Variants in CPNE8 observed in about 807,000 individuals in gnomAD.
CPNE8 encodes copine 8.
CPNE8 carries 45 observed loss-of-function variants against 81.5 expected under a neutral mutation model. That is an observed-to-expected ratio of 0.55 (90% confidence interval 0.44 to 0.71). The LOEUF (loss-of-function observed/expected upper bound fraction) is 0.71. Ranked by LOEUF, CPNE8 falls within the 30% of genes least tolerant of loss-of-function variation. CPNE8 has a pLI of 0.00. For synonymous variants in CPNE8, 252 were observed against 226.3 expected (o/e 1.11, Z -1.02); for missense variants, 594 against 672.1 (o/e 0.88, Z 1.28).
intron 14 of CPNE8, among the ~76,000 whole-genome samples, chr12:38,698,826 G>A (rs760407104): frequency 3.3e-5 from 5 of 152,182 alleles, no homozygotes; most frequent in Non-Finnish European, 5.9e-5. Flanking sequence ...AGTGAGAAAT[G>A]TTGACTCTTC....
At chr12:38,791,651 T>G (rs1942326763) in intron 6 of CPNE8, among the ~76,000 whole-genome samples, 1 of 151,530 alleles carries the variant, frequency 6.6e-6, no homozygotes, top group African/African-American at 2.4e-5. Context: ...ATATGAGACT[T>G]CAATACCACA....
At chr12:38,775,085 T>C (rs989665481) in intron 7 of CPNE8, among the ~76,000 whole-genome samples, 1 of 152,154 alleles carries the variant, frequency 6.6e-6, no homozygotes, top group Non-Finnish European at 1.5e-5. Context: ...CAACTATCTA[T>C]CTATCTATCT....
chr12:38,876,681 A>G (rs1490181068), intron 1 of CPNE8, among the ~76,000 whole-genome samples: 1 of 152,258 alleles, frequency 6.6e-6, no homozygotes. Flanking sequence ...TGAAATTTGC[A>G]ATTTAACTTT....
At chr12:38,845,587 C>G (rs1412144570) in intron 4 of CPNE8, among the ~76,000 whole-genome samples, 1 of 149,508 alleles carries the variant, frequency 6.7e-6, no homozygotes, top group African/African-American at 2.5e-5. Flanking sequence ...ATTTTAAAAA[C>G]CAATATCACA....
At chr12:38,746,371 T>C (rs1941227968) in intron 10 of CPNE8, among the ~76,000 whole-genome samples, 1 of 152,236 alleles carries the variant, frequency 6.6e-6, no homozygotes, top group Non-Finnish European at 1.5e-5. Flanking sequence ...GAAAACTTTG[T>C]ATATTTCTCA....
At chr12:38,729,804 T>C (rs1163758328) in intron 11 of CPNE8, among the ~76,000 whole-genome samples, 2 of 152,038 alleles carry the variant, frequency 1.3e-5, no homozygotes, top group Admixed American at 1.3e-4. Context: ...ATAACTACAA[T>C]GTGTCTGCTT....
chr12:38,882,213 G>C (rs1944170159), intron 1 of CPNE8, among the ~76,000 whole-genome samples: 1 of 152,202 alleles, frequency 6.6e-6, no homozygotes, highest in East Asian at 1.9e-4. Flanking sequence ...TCATATATAA[G>C]AGGAAGGCAG....
At chr12:38,874,825 CCATTTAATCCTT>C (rs1032110840) in intron 1 of CPNE8, among the ~76,000 whole-genome samples, 15 of 152,112 alleles carry the variant, frequency 9.9e-5, no homozygotes, top group Non-Finnish European at 2.1e-4. Flanking sequence ...TTTTAGGTTT[CCATTTAATCCTT>C]CATTAAGAAT....
chr12:38,878,979 C>A (rs1944107728), intron 1 of CPNE8, among the ~76,000 whole-genome samples: 1 of 152,124 alleles, frequency 6.6e-6, no homozygotes, highest in South Asian at 2.1e-4. Context: ...ATTGATTCAG[C>A]TACGACAACA....
Position 38,702,898 on chromosome 12 carries a change from G to C in CPNE8, c.938C>G (p.Ala313Gly). The C allele has an allele frequency of 6.4e-7, 1 of 1,573,390 alleles. No individual in the cohort carries two copies. The highest frequency in any genetic ancestry group is 8.6e-7 in the Non-Finnish European group (1 of 1,157,504). Residue 313 changes from alanine to glycine, a missense_variant, in exon 14 of 20, where the codon GCT becomes GGT. Physicochemically the swap from Ala to Gly is moderately conservative, Grantham distance 60 (BLOSUM62 0). Coordinates refer to ENST00000331366, the MANE Select transcript of CPNE8 (RefSeq NM_153634.3). ...KGGTQINFTV[A>G]IDFTASNGNP... The stretch of plus-strand genomic sequence containing the variant: ...ACCGTTTGATGCTGTAAAATCAATA[G>C]CCACTGTGAAATTGATTTGCGTCCT...
chr12:38,790,912 T>C (rs1354923098), intron 6 of CPNE8, among the ~76,000 whole-genome samples: 2 of 151,592 alleles, frequency 1.3e-5, no homozygotes, highest in Admixed American at 1.3e-4. Flanking sequence ...CCATATCTCT[T>C]ACTATTTCTC....
At chr12:38,787,097 C>A (rs1170169839) in intron 6 of CPNE8, among the ~76,000 whole-genome samples, 1 of 152,032 alleles carries the variant, frequency 6.6e-6, no homozygotes, top group African/African-American at 2.4e-5. Context: ...TATAGATAGA[C>A]CAAATGAACC....
intron 6 of CPNE8, among the ~76,000 whole-genome samples, chr12:38,796,571 A>T (rs1169978529): frequency 6.6e-6 from 1 of 152,190 alleles, no homozygotes; most frequent in Non-Finnish European, 1.5e-5. Context: ...GGCAGCCAAG[A>T]TGGCCGAATA....
chr12:38,798,612 C>T (rs1180599049), intron 6 of CPNE8, among the ~76,000 whole-genome samples: 1 of 151,880 alleles, frequency 6.6e-6, no homozygotes, highest in Non-Finnish European at 1.5e-5. Context: ...TTGTAAAGAC[C>T]ATCGAGACTA....
intron 6 of CPNE8, among the ~76,000 whole-genome samples, chr12:38,784,066 A>C (rs1003291070): frequency 1.3e-5 from 2 of 152,258 alleles, no homozygotes; most frequent in Non-Finnish European, 2.9e-5. Context: ...ATATGTGAGC[A>C]TACAGACAGA....
chr12:38,673,486 A>AT (rs897222767), intron 18 of CPNE8, among the ~76,000 whole-genome samples: 1 of 151,984 alleles, frequency 6.6e-6, no homozygotes, highest in South Asian at 2.1e-4. Context: ...TAATATAGAA[A>AT]TTTTTTTTAA....
intron 6 of CPNE8, among the ~76,000 whole-genome samples, chr12:38,786,123 T>C (rs1314154600): frequency 1.3e-5 from 2 of 152,070 alleles, no homozygotes; most frequent in Non-Finnish European, 2.9e-5. Context: ...AGAGGCTGAA[T>C]GGATTAAAAA....
chr12:38,664,427 C>T (rs970738180), intron 19 of CPNE8, among the ~76,000 whole-genome samples: 1 of 151,844 alleles, frequency 6.6e-6, no homozygotes, highest in African/African-American at 2.4e-5. Context: ...TTTATATAGT[C>T]AATATAAAGC....
intron 5 of CPNE8, among the ~76,000 whole-genome samples, chr12:38,831,187 G>C (rs1943279888): frequency 6.6e-6 from 1 of 152,100 alleles, no homozygotes; most frequent in African/African-American, 2.4e-5. Context: ...TTACAGGCCA[G>C]AGAATAATGA....
Sources: allele counts gnomAD v4.1 joint callset (sites outside exome capture counted in the v4.1 genomes callset), GRCh38; gene constraint gnomAD v4.1.1; transcripts MANE v1.5; gene names NCBI Gene and HGNC (gene_info 2026-07-23, HGNC 2026-07-21).